ALOXE3: variants seen among roughly 807,000 people sequenced by gnomAD.
ALOXE3 encodes hydroperoxide isomerase ALOXE3.
ALOXE3 carries 78 observed loss-of-function variants against 87.5 expected under a neutral mutation model. That is an observed-to-expected ratio of 0.89 (90% confidence interval 0.74 to 1.08). ALOXE3 has a LOEUF of 1.08. ALOXE3 is among the 50% of genes least tolerant of loss of function. The probability of loss-of-function intolerance (pLI) is 0.00; values close to 1 mark genes in which losing one functional copy is unlikely to be tolerated. For missense variants in ALOXE3, 946 were observed against 912.4 expected (o/e 1.04, Z -0.47); for synonymous variants, 363 against 370.8 (o/e 0.98, Z 0.24).
chr17:8,102,751 C>T (rs1427903182), intron 15 of ALOXE3, among the ~76,000 whole-genome samples: 3 of 152,170 alleles, frequency 2.0e-5, no homozygotes, highest in Non-Finnish European at 2.9e-5. Flanking sequence ...TCCTGGGTTC[C>T]CCCAGACCCA....
intron 15 of ALOXE3, among the ~76,000 whole-genome samples, chr17:8,101,933 C>T (rs1345599127): frequency 6.6e-6 from 1 of 152,174 alleles, no homozygotes; most frequent in African/African-American, 2.4e-5. Flanking sequence ...AGCCACTGTG[C>T]CCAGCAACAT....
Position 8,104,014 on chromosome 17 carries a change from A to G in ALOXE3, c.1785+101T>C, listed in dbSNP as rs1488085270. ...ACTCCAACCCCAAGTCTAATCATAA[A>G]CCCACCCCAACGCTGACCCACCCAA... On this transcript the variant is annotated intron_variant, in intron 14 of 15. Transcript: ENST00000448843. 4.0e-6 allele frequency: 4 copies of G among 1,002,160 alleles called. No individual in the cohort carries two copies. In the African/African-American group the frequency reaches 4.8e-5, roughly 12 times the overall value. The allele number at this position is 1,002,160 out of a possible 1,614,324, so 62.1% of individuals were successfully genotyped here. A position where few individuals can be genotyped will look rare whatever the true frequency, so the allele number is the denominator to read the frequency against.
intron 15 of ALOXE3, among the ~76,000 whole-genome samples, chr17:8,102,264 A>G (rs1331678478): frequency 6.6e-6 from 1 of 152,054 alleles, no homozygotes; most frequent in Non-Finnish European, 1.5e-5. Flanking sequence ...GGAGGCCAAG[A>G]TGGGTGGATC....
At chr17:8,115,155 A>G (rs1980477598) in intron 4 of ALOXE3, 98 bp from the exon 5 acceptor site, 3 of 1,491,030 alleles carry the variant, frequency 2.0e-6, no homozygotes, top group Non-Finnish European at 2.8e-6. Flanking sequence ...TTCAAAAACC[A>G]CCTACTTTCT....
At chr17:8,107,840 A>G (rs1488395875) in intron 13 of ALOXE3, among the ~76,000 whole-genome samples, 90 of 4,106 alleles carry the variant, frequency 0.022, no homozygotes, top group Admixed American at 0.049. Context: ...AAAGAAAGAA[A>G]GAAAGAAAGA....
At chr17:8,099,487 C>G (rs144052499) in intron 15 of ALOXE3, among the ~76,000 whole-genome samples, 1 of 151,896 alleles carries the variant, frequency 6.6e-6, no homozygotes, top group Non-Finnish European at 1.5e-5. Context: ...CATGGAGAAA[C>G]CCCATCTCTA....
chr17:8,108,295 TCGGAACC>T (rs1362458461), intron 13 of ALOXE3, among the ~76,000 whole-genome samples, 166 bp downstream of exon 13: 1 of 152,222 alleles, frequency 6.6e-6, no homozygotes, highest in African/African-American at 2.4e-5. Context: ...CGGAGCTGGC[TCGGAACC>T]CGCCTTGCAC....
chr17:8,105,866 G>A (rs997099599), intron 13 of ALOXE3, among the ~76,000 whole-genome samples: 2 of 129,586 alleles, frequency 1.5e-5, no homozygotes. Flanking sequence ...AGTGAGCTGT[G>A]ATCACACCAC....
rs751705010 is a variant in ALOXE3, at chr17:8,099,022, CTTTTTTTTT to C, written c.1957-2225_1957-2217del. 1.7e-3 allele frequency among the ~76,000 whole-genome samples: 217 copies of C among 126,714 alleles called. 5 individuals carry two copies. Among genetic ancestry groups the C allele is most frequent in the Middle Eastern group, 4.0e-3 (1 of 250 alleles). 83.1% of individuals were successfully genotyped at this position (126,714 alleles called of 152,430 possible). On this transcript the variant is annotated intron_variant, in intron 15 of 15. Coordinates refer to ENST00000448843, the MANE Select transcript of ALOXE3 (RefSeq NM_021628.3). ...TACGCCATCATGCCCGGCTAGTTTT[CTTTTTTTTT>C]TTTTTTTTGGAGAGACAAGGTCTCA...
intron 13 of ALOXE3, among the ~76,000 whole-genome samples, chr17:8,108,007 GAAA>G (rs1979629706): frequency 3.9e-5 from 2 of 51,054 alleles, no homozygotes; most frequent in African/African-American, 1.3e-4. Flanking sequence ...AGGAAAGAAA[GAAA>G]GAAAGAAAGA....
chr17:8,118,600 G>A (rs1980823357), upstream of ALOXE3: 4 of 1,532,764 alleles, frequency 2.6e-6, no homozygotes, highest in Non-Finnish European at 2.6e-6. Context: ...ACGCATTCCA[G>A]CACATGTCAA....
intron 11 of ALOXE3, among the ~76,000 whole-genome samples, 161 bp downstream of exon 11, chr17:8,109,755 C>A (rs529560071): frequency 4.7e-5 from 7 of 150,102 alleles, no homozygotes; most frequent in African/African-American, 1.5e-4. Flanking sequence ...CGGAGACCGG[C>A]GGAGTGGGCG....
intron 8 of ALOXE3, among the ~76,000 whole-genome samples, 183 bp downstream of exon 8, chr17:8,111,174 CCA>C (rs770195720): frequency 3.9e-5 from 6 of 152,358 alleles, no homozygotes; most frequent in Non-Finnish European, 2.9e-5. Context: ...CCTCCCAACC[CCA>C]GTCTGACCCT....
chr17:8,111,239 GA>G, intron 8 of ALOXE3, 119 bp downstream of exon 8: 1 of 1,250,860 alleles, frequency 8.0e-7, no homozygotes, highest in Non-Finnish European at 1.1e-6. Context: ...CCCAGAGGAT[GA>G]GGCCCACAGG....
At position 8,103,389 on chromosome 17, in the gene ALOXE3, A is replaced by G. The variant is rs1979046981; in HGVS notation, c.1890T>C (p.Pro630=). ...TTLKTYLDTL[P]EVNISCNNLL... ...GGTTGTTACAGCTGATGTTCACTTC[A>G]GGGAGGGTGTCTAGGTAAGTCTTCA... The change falls in exon 15 of 16, where the codon CCT becomes CCC. Residue 630 remains proline, a synonymous_variant. Coordinates refer to ENST00000448843, the MANE Select transcript of ALOXE3 (RefSeq NM_021628.3). 2 of 1,614,094 alleles carry G rather than the reference A, an allele frequency of 1.2e-6. No homozygotes were observed. The highest frequency in any genetic ancestry group is 1.7e-6 in the Non-Finnish European group (2 of 1,179,986).
In ALOXE3 at chr17:8,116,800, T is replaced by C; in HGVS notation, c.328A>G (p.Thr110Ala). ...PCYQWIEGYC[T>A]VELRPGTART... is the part of the protein sequence containing the mutation. ...CCTGTTCCTGGCCTCAGCTCCACGG[T>C]GCAGTAGCCTTCAATCCACTGATAG... The change falls in exon 3 of 16, where the codon ACC (threonine) becomes GCC (alanine). Residue 110 changes from threonine to alanine, a missense_variant. Physicochemically the swap from Thr to Ala is moderately conservative, Grantham distance 58 (BLOSUM62 0). Coordinates refer to ENST00000448843, the MANE Select transcript of ALOXE3 (RefSeq NM_021628.3). 1.2e-6 allele frequency: 2 copies of C among 1,614,242 alleles called. No individual in the cohort carries two copies. The highest frequency in any genetic ancestry group is 1.7e-6 in the Non-Finnish European group (2 of 1,180,036).
At position 8,118,242 on chromosome 17, in the gene ALOXE3, C is replaced by T. The variant is rs1464151374; in HGVS notation, c.-252G>A. Reference sequence around the variant, plus strand: ...TGCACTCTAATACTTGTTTGCTTGCCTCTGACACAGCCGGTCCCTCTGGCT... The same window carrying T: ...TGCACTCTAATACTTGTTTGCTTGCTTCTGACACAGCCGGTCCCTCTGGCT... On this transcript the variant is annotated 5_prime_UTR_variant, in exon 2 of 16. Coordinates refer to ENST00000448843, the MANE Select transcript of ALOXE3 (RefSeq NM_021628.3). The T allele has an allele frequency of 1.9e-6, 3 of 1,551,594 alleles. No homozygotes were observed. The African/African-American group carries it at 4.1e-5, about 21-fold the overall frequency.
rs898312759 is a variant in ALOXE3, at chr17:8,114,347, G to A, written c.680+137C>T. The A allele has an allele frequency of 2.4e-6, 3 of 1,226,884 alleles. No homozygotes were observed. In the African/African-American group the frequency reaches 4.5e-5, roughly 18 times the overall value. The allele number at this position is 1,226,884 out of a possible 1,614,324, so 76.0% of individuals were successfully genotyped here. A position where few individuals can be genotyped will look rare whatever the true frequency, so the allele number is the denominator to read the frequency against. ...AGGGAAGACTGTGGGGCAGGGAGAG[G>A]GAATGAGTCCAGAGAGGAGGGACTG... On this transcript the variant is annotated intron_variant, in intron 6 of 15. Coordinates refer to ENST00000448843, the MANE Select transcript of ALOXE3 (RefSeq NM_021628.3).
intron 8 of ALOXE3, 28 bp downstream of exon 8, chr17:8,111,331 C>G: frequency 6.2e-7 from 1 of 1,612,072 alleles, no homozygotes; most frequent in Middle Eastern, 2.2e-4. Context: ...TCCCACCTAT[C>G]AGGCCCACTG....
Sources: gnomAD v4.1 joint callset for allele counts (sites outside exome capture counted in the v4.1 genomes callset) on GRCh38, gnomAD v4.1.1 for gene constraint, MANE v1.5 for transcripts, NCBI Gene and HGNC (gene_info 2026-07-23, HGNC 2026-07-21) for gene names.